SEMA4A: variants seen among roughly 807,000 people sequenced by gnomAD.
SEMA4A encodes semaphorin-4A.
A neutral mutation model predicts 72.5 loss-of-function variants in SEMA4A; 52 were observed. The ratio of observed to expected loss-of-function variants is 0.72; its 90% CI spans 0.57 to 0.90. The LOEUF (loss-of-function observed/expected upper bound fraction) is 0.90. Among genes scored for constraint, SEMA4A ranks in the 40% least tolerant of loss-of-function variants. The pLI is 0.00. For synonymous variants in SEMA4A, 369 were observed against 393.1 expected (o/e 0.94, Z 0.73); for missense variants, 926 against 959.7 (o/e 0.96, Z 0.46).
rs1653173469 is a variant in SEMA4A, at chr1:156,157,726, T to G, written c.301-344T>G. Among the ~76,000 whole-genome samples the G allele has an allele frequency of 6.6e-6, 1 of 152,236 alleles. No individual in the cohort carries two copies. Among genetic ancestry groups the G allele is most frequent in the Non-Finnish European group, 1.5e-5 (1 of 68,034 alleles). On this transcript the variant is annotated intron_variant, in intron 3 of 14. Coordinates refer to ENST00000368285, the MANE Select transcript of SEMA4A (RefSeq NM_022367.4). This position sits in a 1 kb window ranked among gnomAD's most constrained non-coding sequence, Gnocchi z 4.5. ...GCGGTTTGACAACTGCTGCCATATA[T>G]ACCATTCATCGTGTTAGGTGTTTTG...
chr1:156,161,317 G>A (rs769795133), intron 8 of SEMA4A, 29 bp from the exon 9 acceptor site: 15 of 1,536,400 alleles, frequency 9.8e-6, no homozygotes, highest in East Asian at 2.4e-5. Context: ...GGCGCCCGGG[G>A]CGCCCCCTGA....
At chr1:156,151,045 T>G (rs904581948), upstream of SEMA4A, among the ~76,000 whole-genome samples, 1 of 152,194 alleles carries the variant, frequency 6.6e-6, no homozygotes, top group African/African-American at 2.4e-5. Flanking sequence ...AAGGTACTTC[T>G]GCTCCTTGGC....
intron 10 of SEMA4A, among the ~76,000 whole-genome samples, chr1:156,165,728 T>G (rs1048257794): frequency 4.6e-5 from 7 of 151,900 alleles, no homozygotes; most frequent in African/African-American, 1.7e-4. Context: ...CTCACTGCCC[T>G]CACTGGAATC....
chr1:156,157,264 G>A lies in SEMA4A; in HGVS notation c.300+690G>A, dbSNP rs1653127726. 6.6e-6 allele frequency among the ~76,000 whole-genome samples: 1 copy of A among 151,724 alleles called. No individual in the cohort carries two copies. Among genetic ancestry groups the A allele is most frequent in the Admixed American group, 6.6e-5 (1 of 15,238 alleles). On this transcript the variant is annotated intron_variant, in intron 3 of 14. Transcript: ENST00000368285. The surrounding 1 kb of genome is among the most constrained non-coding windows in gnomAD (Gnocchi z 4.5). ...TGCAATGGCGTGATCTTGGCTCACT[G>A]TAACCTCTGCCTCCTGGGTTCAAGC...
chr1:156,168,947 T>C (rs2102987721), intron 10 of SEMA4A, among the ~76,000 whole-genome samples: 1 of 152,234 alleles, frequency 6.6e-6, no homozygotes, highest in South Asian at 2.1e-4. Flanking sequence ...GTAGTGTACT[T>C]ACCTTATTGA....
chr1:156,175,131 C>T lies in SEMA4A; in HGVS notation c.1480C>T (p.Arg494Ter), dbSNP rs868700621. The T allele has an allele frequency of 5.6e-6, 9 of 1,614,130 alleles. No individual in the cohort carries two copies. Among genetic ancestry groups the T allele is most frequent in the East Asian group, 2.2e-5 (1 of 44,880 alleles). ...CTCAGGAGGTGTCTGGAGGGTGCCC[C>T]GAGCCAACTGTAGTGTCTATGAGAG... The part of the protein sequence containing the change: ...GFSGGVWRVP[R>*]ANCSVYESCV... The change falls in exon 13 of 15, where the codon CGA becomes TGA. Residue 494 changes from arginine (R) to a stop codon, truncating the protein, a stop_gained. Transcript: ENST00000368285. LOFTEE classifies it high-confidence loss of function.
At chr1:156,161,313 C>A (rs748304622) in intron 8 of SEMA4A, 33 bp from the exon 9 acceptor site, 3 of 757,762 alleles carry the variant, frequency 4.0e-6, no homozygotes, top group South Asian at 1.7e-5. Context: ...TCGGGGCGCC[C>A]GGGGCGCCCC....
rs772569491 is a variant in SEMA4A, at chr1:156,154,545, C to T, written c.-29-5C>T. On this transcript the variant is annotated splice_region_variant and splice_polypyrimidine_tract_variant and intron_variant, in intron 1 of 14. Coordinates refer to ENST00000368285, the MANE Select transcript of SEMA4A (RefSeq NM_022367.4). ...CAGAAAGTGCCCGGGTGCCTGTTTC[C>T]CCAGAGCTCCCTGGTGACAGTCTGT... 1.0e-5 allele frequency: 16 copies of T among 1,600,896 alleles called. No homozygotes were observed. In the Admixed American group the frequency reaches 1.9e-4, roughly 19 times the overall value.
chr1:156,170,753 C>CAAA, intron 10 of SEMA4A, among the ~76,000 whole-genome samples: 1 of 71,842 alleles, frequency 1.4e-5, no homozygotes, highest in Non-Finnish European at 2.9e-5. Context: ...GACTCCGTCT[C>CAAA]AAAAAAAAAA....
chr1:156,165,705 A>G lies in SEMA4A; in HGVS notation c.1134+2611A>G, dbSNP rs910640470. ...GATCCTTGTGGAGCAGGGCTACCTTATAGGCAGTGTACCTCACTGCCCTCA... is the reference window on the plus strand; with the variant it reads ...GATCCTTGTGGAGCAGGGCTACCTTGTAGGCAGTGTACCTCACTGCCCTCA... On this transcript the variant is annotated intron_variant, in intron 10 of 14. Transcript: ENST00000368285. Among the ~76,000 whole-genome samples, 3 of 150,946 alleles carry G rather than the reference A, an allele frequency of 2.0e-5. No homozygotes were observed. In the South Asian group the frequency reaches 6.3e-4, roughly 32 times the overall value.
In SEMA4A at chr1:156,161,536, A is replaced by C. The variant is rs1653662569; in HGVS notation, c.983+18A>C. 6.2e-7 allele frequency: 1 copy of C among 1,613,260 alleles called. No homozygotes were observed. Among genetic ancestry groups the C allele is most frequent in the Admixed American group, 1.7e-5 (1 of 59,960 alleles). On this transcript the variant is annotated intron_variant, in intron 9 of 14. Transcript: ENST00000368285. ...TCCCAGTGGTGAGCAGCAGGGCTGG[A>C]CCATGGGGGCTGGACACGGGACTTG...
intron 5 of SEMA4A, 106 bp from the exon 6 acceptor site, chr1:156,158,613 C>T: frequency 2.3e-6 from 3 of 1,307,278 alleles, no homozygotes; most frequent in Non-Finnish European, 3.3e-6. Flanking sequence ...CTTCCTGGCC[C>T]CAGACCAATT....
At chr1:156,154,240 A>T (rs1652787169) in intron 1 of SEMA4A, 1 of 346,470 alleles carries the variant, frequency 2.9e-6, no homozygotes, top group South Asian at 3.7e-5. Flanking sequence ...AAAGACAGGA[A>T]AGACTTCCTG....
intron 5 of SEMA4A, 98 bp from the exon 6 acceptor site, chr1:156,158,621 A>G (rs891726781): frequency 2.4e-5 from 31 of 1,317,738 alleles, no homozygotes; most frequent in Non-Finnish European, 3.2e-5. Context: ...CCCCAGACCA[A>G]TTTCCCTCTA....
rs114835695 is a variant in SEMA4A at position 156,174,952 on chromosome 1, C to T, written c.1434+12C>T. The stretch of plus-strand genomic sequence containing the variant: ...TGGCCCCCACCCAGGTGGGAAGGGA[C>T]CTGACCATCAAATGGCCTTCCAGTG... On this transcript the variant is annotated intron_variant, in intron 12 of 14. Transcript: ENST00000368285. The T allele has an allele frequency of 6.2e-7, 1 of 1,614,236 alleles. No individual in the cohort carries two copies. The highest frequency in any genetic ancestry group is 8.5e-7 in the Non-Finnish European group (1 of 1,180,034).
upstream of SEMA4A, among the ~76,000 whole-genome samples, chr1:156,148,025 C>G (rs369017827): frequency 3.3e-4 from 51 of 152,338 alleles, no homozygotes; most frequent in African/African-American, 1.2e-3. Flanking sequence ...GGGAGGCCCC[C>G]AAAGTCCGGC....
chr1:156,177,301 G>A lies in SEMA4A; in HGVS notation c.*304G>A. Reference sequence around the variant, plus strand: ...ATCCTTCAGTTCTGGCCATTCCAGGGACCCTCCAGAAACACAGTGTTTCAA... The same window carrying A: ...ATCCTTCAGTTCTGGCCATTCCAGGAACCCTCCAGAAACACAGTGTTTCAA... On this transcript the variant is annotated 3_prime_UTR_variant, in exon 15 of 15. Coordinates refer to ENST00000368285, the MANE Select transcript of SEMA4A (RefSeq NM_022367.4). The A allele has an allele frequency of 2.1e-6, 1 of 482,262 alleles. No individual in the cohort carries two copies. The highest frequency in any genetic ancestry group is 2.1e-5 in the South Asian group (1 of 47,116). 29.9% of individuals were successfully genotyped at this position (482,262 alleles called of 1,614,324 possible).
upstream of SEMA4A, chr1:156,153,193 C>T (rs1652688204): frequency 6.6e-6 from 1 of 152,110 alleles, no homozygotes; most frequent in South Asian, 2.1e-4. Flanking sequence ...TTTTTAAAGA[C>T]TGTGGCCCAG....
Position 156,156,521 on chromosome 1 carries a change from G to C in SEMA4A, c.247G>C (p.Ala83Pro), listed in dbSNP as rs746991043. The C allele has an allele frequency of 2.3e-5, 37 of 1,614,116 alleles. No homozygotes were observed. The South Asian group carries it at 4.1e-4, about 18-fold the overall frequency. ...GNTLYVGARE[A>P]ILALDIQDPG... ...TACTCTCTACGTGGGGGCTCGAGAA[G>C]CCATTCTGGCCTTGGATATCCAGGA... Residue 83 changes from alanine (A) to proline (P), a missense_variant, in exon 3 of 15, where the codon GCC becomes CCC. By Grantham distance (27) the Ala-to-Pro change is conservative. Coordinates refer to ENST00000368285, the MANE Select transcript of SEMA4A (RefSeq NM_022367.4).
Sources: allele counts gnomAD v4.1 joint callset (sites outside exome capture counted in the v4.1 genomes callset), GRCh38; gene constraint gnomAD v4.1.1; non-coding constraint Gnocchi (gnomAD v3.1); transcripts MANE v1.5; gene names NCBI Gene and HGNC (gene_info 2026-07-23, HGNC 2026-07-21).